PABPC1: variants seen among roughly 807,000 people sequenced by gnomAD.
PABPC1 encodes poly(A) binding protein cytoplasmic 1.
Under a neutral mutation model 74.0 loss-of-function variants are expected in PABPC1, and 4 were observed. That is an observed-to-expected ratio of 0.05 (90% CI 0.03 to 0.12). The LOEUF (loss-of-function observed/expected upper bound fraction) is 0.12. PABPC1 is among the 10% of genes least tolerant of loss of function. PABPC1 has a pLI of 1.00. For missense variants in PABPC1, 271 were observed against 821.1 expected (o/e 0.33, Z 8.19); for synonymous variants, 227 against 264.1 (o/e 0.86, Z 1.36).
chr8:100,709,312 C>G, intron 8 of PABPC1, 89 bp from the exon 9 acceptor site: 2 of 1,451,606 alleles, frequency 1.4e-6, no homozygotes, highest in South Asian at 1.2e-5. Context: ...AAACATTTAC[C>G]AGGACTTCAC....
intron 7 of PABPC1, among the ~76,000 whole-genome samples, chr8:100,711,736 C>A (rs1311934963): frequency 6.6e-6 from 1 of 152,234 alleles, no homozygotes; most frequent in South Asian, 2.1e-4. Flanking sequence ...CCAGGAAAAG[C>A]TGACTAGAAA....
chr8:100,717,693 A>C, intron 3 of PABPC1, 80 bp downstream of exon 3: 2 of 861,480 alleles, frequency 2.3e-6, no homozygotes, highest in Admixed American at 2.7e-5. Flanking sequence ...CTCCCTGACA[A>C]ATATTAACTT....
intron 11 of PABPC1, among the ~76,000 whole-genome samples, chr8:100,706,020 A>T (rs984801339): frequency 2.6e-5 from 4 of 151,878 alleles, no homozygotes; most frequent in Non-Finnish European, 4.4e-5. Flanking sequence ...GCTAATCTTT[A>T]TATTTTTAGA....
chr8:100,705,152 C>G, intron 12 of PABPC1, 96 bp from the exon 13 acceptor site: 1 of 945,906 alleles, frequency 1.1e-6, no homozygotes, highest in Non-Finnish European at 1.6e-6. Context: ...AACCATACTT[C>G]TGTCTCACGT....
chr8:100,711,012 C>T (rs1007073914), intron 7 of PABPC1, among the ~76,000 whole-genome samples: 1 of 152,092 alleles, frequency 6.6e-6, no homozygotes, highest in African/African-American at 2.4e-5. Flanking sequence ...AGACAACCAG[C>T]CAGGCACGGT....
intron 11 of PABPC1, among the ~76,000 whole-genome samples, chr8:100,706,122 T>TA (rs1272364499): frequency 6.6e-6 from 1 of 152,058 alleles, no homozygotes; most frequent in East Asian, 1.9e-4. Context: ...TGGGATTACA[T>TA]AGAGGTGTGA....
At chr8:100,715,109 T>A (rs1032397193) in intron 4 of PABPC1, among the ~76,000 whole-genome samples, 11 of 147,038 alleles carry the variant, frequency 7.5e-5, no homozygotes, top group African/African-American at 2.7e-4. Context: ...TCTGATGACA[T>A]GGGATCTCTA....
rs780406873 is a variant in PABPC1, at chr8:100,704,334, T to C, written c.1875A>G (p.Lys625=). ...GAACACCGGTGGCACTGTTAACTGC[T>C]TTCTGGGCAGCCTCTTTAGCTTGGT... ...QAHQAKEAAQ[K]AVNSATGVPT... is the part of the protein sequence containing the mutation. Residue 625 remains lysine (K), a synonymous_variant, in exon 14 of 15, where the codon AAA becomes AAG. Coordinates refer to ENST00000318607, the MANE Select transcript of PABPC1 (RefSeq NM_002568.4). The C allele has an allele frequency of 4.3e-6, 7 of 1,614,146 alleles. No homozygotes were observed. The South Asian group carries it at 5.5e-5, about 13-fold the overall frequency.
rs1306667278 is a variant in PABPC1 at position 100,715,620 on chromosome 8, A to C, written c.504-19T>G. On this transcript the variant is annotated intron_variant, in intron 3 of 14. Coordinates refer to ENST00000318607, the MANE Select transcript of PABPC1 (RefSeq NM_002568.4). ...AACAAATCTAATAAGATATACAAGG[A>C]CTATAACATTAGATTCTATTTTATA... 5.1e-6 allele frequency: 8 copies of C among 1,561,144 alleles called. No homozygotes were observed. Among genetic ancestry groups the C allele is most frequent in the Non-Finnish European group, 4.4e-6 (5 of 1,142,054 alleles).
At chr8:100,709,111 A>C (rs1810462057) in intron 9 of PABPC1, 22 bp downstream of exon 9, 1 of 1,570,020 alleles carries the variant, frequency 6.4e-7, no homozygotes, top group Non-Finnish European at 8.7e-7. Flanking sequence ...CCCCAACCTT[A>C]ATTAAAAGAA....
intron 14 of PABPC1, 181 bp downstream of exon 14, chr8:100,704,116 A>T: frequency 1.9e-6 from 1 of 522,452 alleles, no homozygotes; most frequent in Non-Finnish European, 3.4e-6. Context: ...TCCAACAGTT[A>T]ACGGGTAAAA....
chr8:100,712,901 A>G, intron 5 of PABPC1, 112 bp from the exon 6 acceptor site: 1 of 1,299,928 alleles, frequency 7.7e-7, no homozygotes, highest in Non-Finnish European at 1.0e-6. Context: ...AGACAAACCC[A>G]TCCCAAAATC....
rs550578111 is a variant in PABPC1 at position 100,721,324 on chromosome 8, C to CCCG, written c.193+64_193+66dup. On this transcript the variant is annotated intron_variant, in intron 1 of 14. Coordinates refer to ENST00000318607, the MANE Select transcript of PABPC1 (RefSeq NM_002568.4). This position sits in a 1 kb window ranked among gnomAD's most constrained non-coding sequence, Gnocchi z 7.4. Reference sequence around the variant, plus strand: ...TCCCCGGGCCCGCCGGCCTACCCCGCCCGCCGCCGCCGCCCGAGCCTCATG... The same window carrying CCCG: ...TCCCCGGGCCCGCCGGCCTACCCCGCCCGCCGCCGCCGCCGCCCGAGCCTCATG... 5.6e-3 allele frequency: 5,319 copies of CCCG among 947,392 alleles called. 16 individuals carry two copies. Among genetic ancestry groups the CCCG allele is most frequent in the Non-Finnish European group, 6.0e-3 (4,508 of 754,108 alleles). The allele number at this position is 947,392 out of a possible 1,614,324, so 58.7% of individuals were successfully genotyped here.
chr8:100,704,459 C>T, intron 13 of PABPC1, 69 bp from the exon 14 acceptor site: 2 of 1,219,390 alleles, frequency 1.6e-6, no homozygotes, highest in African/African-American at 1.5e-5. Flanking sequence ...ATAATGGTAA[C>T]ATACCAATTC....
At chr8:100,703,502 A>C (rs553166808) in intron 14 of PABPC1, 143 bp from the exon 15 acceptor site, 5 of 152,200 alleles carry the variant, frequency 3.3e-5, no homozygotes, top group Non-Finnish European at 7.3e-5. Context: ...TATACATACT[A>C]TCTATGGTTG....
intron 4 of PABPC1, 120 bp from the exon 5 acceptor site, chr8:100,713,301 TC>T: frequency 1.9e-6 from 1 of 534,178 alleles, no homozygotes; most frequent in Non-Finnish European, 3.2e-6. Context: ...GACTCCTCCC[TC>T]CCAGCCTTCT....
At chr8:100,708,635 G>A (rs1202644792) in intron 9 of PABPC1, among the ~76,000 whole-genome samples, 1 of 152,154 alleles carries the variant, frequency 6.6e-6, no homozygotes, top group East Asian at 1.9e-4. Flanking sequence ...CAACACTTTA[G>A]GAGGCTGAGG....
intron 3 of PABPC1, among the ~76,000 whole-genome samples, chr8:100,717,492 C>T (rs1171782875): frequency 6.6e-6 from 1 of 152,098 alleles, no homozygotes; most frequent in Non-Finnish European, 1.5e-5. Context: ...GTTTACTTAT[C>T]TTCTGTTTTC....
chr8:100,719,827 G>A (rs913399878), intron 1 of PABPC1, among the ~76,000 whole-genome samples: 1 of 152,186 alleles, frequency 6.6e-6, no homozygotes, highest in East Asian at 1.9e-4. Flanking sequence ...GTGATAACCT[G>A]CCCCAAAGTT....
Sources: allele counts gnomAD v4.1 joint callset (sites outside exome capture counted in the v4.1 genomes callset), GRCh38; gene constraint gnomAD v4.1.1; non-coding constraint Gnocchi (gnomAD v3.1); transcripts MANE v1.5; gene names NCBI Gene and HGNC (gene_info 2026-07-23, HGNC 2026-07-21).